Variants in KCTD3 observed in about 807,000 individuals in gnomAD.
KCTD3 encodes BTB/POZ domain-containing protein KCTD3.
In KCTD3, 41 loss-of-function variants were observed where a neutral mutation model predicts 85.8. The observed-to-expected ratio is 0.48, with a 90% confidence interval of 0.37 to 0.62. The LOEUF is 0.62. KCTD3 is among the 20% of genes least tolerant of loss of function. The probability of loss-of-function intolerance (pLI) is 0.00; values close to 1 mark genes in which losing one functional copy is unlikely to be tolerated. For synonymous variants in KCTD3, 338 were observed against 345.4 expected (o/e 0.98, Z 0.24); for missense variants, 724 against 989.9 (o/e 0.73, Z 3.60).
intron 3 of KCTD3, 70 bp from the exon 4 acceptor site, chr1:215,575,831 T>G (rs529662185): frequency 1.3e-6 from 1 of 795,632 alleles, no homozygotes; most frequent in African/African-American, 1.8e-5. Context: ...CATTCCCTAT[T>G]AGTGTTACAG....
intron 9 of KCTD3, among the ~76,000 whole-genome samples, 190 bp from the exon 10 acceptor site, chr1:215,595,166 T>G (rs1402566157): frequency 2.0e-5 from 3 of 152,246 alleles, no homozygotes; most frequent in African/African-American, 7.2e-5. Context: ...AGACTCTTCC[T>G]TGCTTTAGTA....
chr1:215,569,850 C>G (rs373482661), intron 1 of KCTD3, among the ~76,000 whole-genome samples: 2 of 151,874 alleles, frequency 1.3e-5, no homozygotes, highest in East Asian at 3.9e-4. Context: ...GTTTACAAGA[C>G]ATGAAATTGT....
intron 6 of KCTD3, 64 bp downstream of exon 6, chr1:215,578,145 G>A: frequency 2.2e-6 from 3 of 1,353,700 alleles, no homozygotes; most frequent in Admixed American, 1.9e-5. Flanking sequence ...ACAAGCATAT[G>A]AATAGGAAAA....
chr1:215,592,364 ATT>A (rs372740101), intron 9 of KCTD3, among the ~76,000 whole-genome samples: 2 of 144,744 alleles, frequency 1.4e-5, no homozygotes, highest in Admixed American at 6.9e-5. Flanking sequence ...TATTTTGTCC[ATT>A]TTTTTTTTTG....
intron 9 of KCTD3, among the ~76,000 whole-genome samples, chr1:215,590,587 A>C (rs1172941553): frequency 1.3e-5 from 2 of 151,908 alleles, no homozygotes; most frequent in African/African-American, 2.4e-5. Flanking sequence ...ATCTACCTTT[A>C]ATGTCTTTTA....
chr1:215,574,044 A>G, intron 2 of KCTD3, 29 bp from the exon 3 acceptor site: 1 of 1,542,448 alleles, frequency 6.5e-7, no homozygotes, highest in Non-Finnish European at 8.9e-7. Context: ...GATTTTAAAA[A>G]CTAACTTTAG....
At chr1:215,617,140 A>G (rs1437177983) in intron 15 of KCTD3, among the ~76,000 whole-genome samples, 1 of 152,236 alleles carries the variant, frequency 6.6e-6, no homozygotes, top group African/African-American at 2.4e-5. Flanking sequence ...CAGGGAGGGC[A>G]TGGAAGCTCT....
intron 10 of KCTD3, among the ~76,000 whole-genome samples, chr1:215,599,565 A>G (rs1163643687): frequency 1.3e-5 from 2 of 152,216 alleles, no homozygotes; most frequent in Non-Finnish European, 2.9e-5. Flanking sequence ...TGACTGAACC[A>G]TGCATACTAA....
chr1:215,617,674 C>T lies in KCTD3; in HGVS notation c.1563-1212C>T, dbSNP rs117136082. On this transcript the variant is annotated intron_variant, in intron 15 of 17. Coordinates refer to ENST00000259154, the MANE Select transcript of KCTD3 (RefSeq NM_016121.5). ...CATGCAGCAAGCCAAAAGATTTTCT[C>T]GGAGTTTTATCCTCCCTGTACCAGG... Among the ~76,000 whole-genome samples the T allele has an allele frequency of 2.8e-4, 42 of 151,434 alleles. No individual in the cohort carries two copies. The East Asian group carries it at 4.3e-3, about 15-fold the overall frequency.
intron 8 of KCTD3, 94 bp downstream of exon 8, chr1:215,580,093 T>C (rs878890351): frequency 2.0e-5 from 16 of 805,314 alleles, no homozygotes; most frequent in South Asian, 1.9e-4. Flanking sequence ...TATTTTTTTT[T>C]AGTCATCAAG....
At position 215,585,522 on chromosome 1, in the gene KCTD3, T is replaced by C. The variant is rs571497534; in HGVS notation, c.627-973T>C. Among the ~76,000 whole-genome samples, 4 of 152,332 alleles carry C rather than the reference T, an allele frequency of 2.6e-5. No individual in the cohort carries two copies. The East Asian group carries it at 7.7e-4, about 29-fold the overall frequency. ...GCTTTTTGCAGCGAATGTCAGGTAG[T>C]GTGCAAAAGAACGCTTCTTTTCCTT... On this transcript the variant is annotated intron_variant, in intron 8 of 17. Coordinates refer to ENST00000259154, the MANE Select transcript of KCTD3 (RefSeq NM_016121.5).
intron 6 of KCTD3, among the ~76,000 whole-genome samples, chr1:215,578,452 G>A (rs1041963595): frequency 2.6e-5 from 4 of 152,132 alleles, no homozygotes; most frequent in African/African-American, 9.7e-5. Flanking sequence ...ATATGTTAGA[G>A]CACTGGTTGT....
At chr1:215,599,950 G>A (rs1486723412) in intron 10 of KCTD3, among the ~76,000 whole-genome samples, 1 of 149,862 alleles carries the variant, frequency 6.7e-6, no homozygotes, top group African/African-American at 2.5e-5. Context: ...GGCCTTATCT[G>A]TCCCCATTTT....
intron 15 of KCTD3, among the ~76,000 whole-genome samples, chr1:215,617,234 T>C (rs58759277): frequency 0.034 from 5,150 of 152,202 alleles, 209 homozygotes; most frequent in African/African-American, 0.096. Context: ...GAGCTTTCCT[T>C]TGAATTCTGT....
chr1:215,598,403 T>C (rs531328708), intron 10 of KCTD3, among the ~76,000 whole-genome samples: 2 of 152,276 alleles, frequency 1.3e-5, no homozygotes, highest in Admixed American at 1.3e-4. Flanking sequence ...AGAACTCCAA[T>C]TTGAGAAACT....
At chr1:215,612,124 T>C (rs894578420) in intron 15 of KCTD3, among the ~76,000 whole-genome samples, 2 of 152,220 alleles carry the variant, frequency 1.3e-5, no homozygotes, top group Admixed American at 1.3e-4. Context: ...TCACTGATGC[T>C]GTGGACAGTT....
intron 4 of KCTD3, among the ~76,000 whole-genome samples, chr1:215,577,072 A>T (rs1025022680): frequency 6.6e-6 from 1 of 152,010 alleles, no homozygotes; most frequent in African/African-American, 2.4e-5. Context: ...CATGTTACTT[A>T]ACTTTACTAC....
chr1:215,574,955 AAG>A (rs776077434), intron 3 of KCTD3, among the ~76,000 whole-genome samples: 1 of 152,186 alleles, frequency 6.6e-6, no homozygotes, highest in Non-Finnish European at 1.5e-5. Context: ...TTTCCATAAA[AAG>A]TTATCAATTA....
Position 215,615,898 on chromosome 1 carries a change from A to G in KCTD3, c.1563-2988A>G, listed in dbSNP as rs543174486. On this transcript the variant is annotated intron_variant, in intron 15 of 17. Transcript: ENST00000259154. Reference sequence around the variant, plus strand: ...ACTGGACAAAAAGTTGTAAGTTAACAGAAATAGACTGAGTAGGGAACTCCA... The same window carrying G: ...ACTGGACAAAAAGTTGTAAGTTAACGGAAATAGACTGAGTAGGGAACTCCA... Among the ~76,000 whole-genome samples, 8 of 152,306 alleles carry G rather than the reference A, an allele frequency of 5.3e-5. No individual in the cohort carries two copies. In the South Asian group the frequency reaches 1.7e-3, roughly 32 times the overall value.
Sources: gnomAD v4.1 joint callset for allele counts (sites outside exome capture counted in the v4.1 genomes callset) on GRCh38, gnomAD v4.1.1 for gene constraint, MANE v1.5 for transcripts, NCBI Gene and HGNC (gene_info 2026-07-23, HGNC 2026-07-21) for gene names.